CCDC60: variants seen among roughly 807,000 people sequenced by gnomAD.
CCDC60 encodes coiled-coil domain containing 60, also known as coiled-coil domain-containing protein 60.
In CCDC60, 54 loss-of-function variants were observed where a neutral mutation model predicts 63.5. The observed-to-expected ratio is 0.85, with a 90% CI of 0.68 to 1.07. CCDC60 has a LOEUF of 1.07. CCDC60 is among the 50% of genes least tolerant of loss of function. The probability of loss-of-function intolerance (pLI) is 0.00; values close to 1 mark genes in which losing one functional copy is unlikely to be tolerated. For synonymous variants in CCDC60, 206 were observed against 238.8 expected (o/e 0.86, Z 1.27); for missense variants, 651 against 684.3 (o/e 0.95, Z 0.54).
intron 3 of CCDC60, among the ~76,000 whole-genome samples, chr12:119,472,531 G>A (rs930448146): frequency 6.6e-6 from 1 of 151,058 alleles, no homozygotes; most frequent in Non-Finnish European, 1.5e-5. Flanking sequence ...CAGCCCCAGG[G>A]CCTGGCTCAT....
Position 119,420,587 on chromosome 12 carries a change from G to A in CCDC60, c.91-8096G>A, listed in dbSNP as rs957616668. 1.3e-5 allele frequency among the ~76,000 whole-genome samples: 2 copies of A among 152,070 alleles called. No homozygotes were observed. The highest frequency in any genetic ancestry group is 4.8e-5 in the African/African-American group (2 of 41,398). On this transcript the variant is annotated intron_variant, in intron 1 of 13. Coordinates refer to ENST00000327554, the MANE Select transcript of CCDC60 (RefSeq NM_178499.5). This position sits in a 1 kb window ranked among gnomAD's most constrained non-coding sequence, Gnocchi z 4.1. ...CTGGGAAGGATAGTGGGGGATGGGGGGCAGAAGGTGGGAATGGCTAACGGG... is the reference window on the plus strand; with the variant it reads ...CTGGGAAGGATAGTGGGGGATGGGGAGCAGAAGGTGGGAATGGCTAACGGG...
chr12:119,515,738 A>C (rs1022679775), intron 7 of CCDC60, among the ~76,000 whole-genome samples: 1 of 152,226 alleles, frequency 6.6e-6, no homozygotes, highest in African/African-American at 2.4e-5. Flanking sequence ...TCCAGCATGC[A>C]GCAGGAATGG....
intron 5 of CCDC60, among the ~76,000 whole-genome samples, chr12:119,495,615 G>T (rs143386048): frequency 1.9e-3 from 288 of 152,232 alleles, no homozygotes; most frequent in Middle Eastern, 3.4e-3. Context: ...CAATCGTTCT[G>T]AGCAGCACTC....
chr12:119,334,873 A>G lies in CCDC60; in HGVS notation c.-304A>G. The G allele has an allele frequency of 3.9e-6, 1 of 259,460 alleles. No individual in the cohort carries two copies. The highest frequency in any genetic ancestry group is 7.2e-6 in the Non-Finnish European group (1 of 138,740). 16.1% of individuals were successfully genotyped at this position (259,460 alleles called of 1,614,324 possible). ...TTTTAGTTCATATTTTATTTTGCTT[A>G]TAGAAGAGAAAGATATCCCTTCCGA... On this transcript the variant is annotated 5_prime_UTR_variant, in exon 1 of 14. Coordinates refer to ENST00000327554, the MANE Select transcript of CCDC60 (RefSeq NM_178499.5).
chr12:119,360,533 G>C (rs1358705630), intron 1 of CCDC60, among the ~76,000 whole-genome samples: 2 of 149,936 alleles, frequency 1.3e-5, no homozygotes. Context: ...TCACTTCTCA[G>C]ACGGGGCGGC....
intron 6 of CCDC60, among the ~76,000 whole-genome samples, chr12:119,501,991 A>T (rs1951864536): frequency 6.6e-6 from 1 of 152,146 alleles, no homozygotes; most frequent in Non-Finnish European, 1.5e-5. Context: ...ACTTTGAAGG[A>T]GGGAATCCAA....
At chr12:119,417,140 A>C (rs925249437) in intron 1 of CCDC60, among the ~76,000 whole-genome samples, 1 of 151,890 alleles carries the variant, frequency 6.6e-6, no homozygotes, top group Non-Finnish European at 1.5e-5. Context: ...AAAAAAGAAC[A>C]TTCCCACCCC....
At chr12:119,408,727 G>A (rs1956539439) in intron 1 of CCDC60, among the ~76,000 whole-genome samples, 1 of 152,144 alleles carries the variant, frequency 6.6e-6, no homozygotes, top group Non-Finnish European at 1.5e-5. Flanking sequence ...TTGGGAGGCT[G>A]AGGCAGGAGA....
chr12:119,522,322 C>A (rs542259231), intron 9 of CCDC60, among the ~76,000 whole-genome samples: 5 of 152,268 alleles, frequency 3.3e-5, no homozygotes, highest in Admixed American at 6.5e-5. Flanking sequence ...AGGAAGCTTG[C>A]CCAGGCAGAG....
At chr12:119,496,079 G>A (rs1951709252) in intron 5 of CCDC60, among the ~76,000 whole-genome samples, 1 of 152,112 alleles carries the variant, frequency 6.6e-6, no homozygotes, top group Non-Finnish European at 1.5e-5. Context: ...TGTGGCAGGA[G>A]GATCAGATCA....
chr12:119,343,849 G>A lies in CCDC60; in HGVS notation c.90+8583G>A, dbSNP rs1037021435. On this transcript the variant is annotated intron_variant, in intron 1 of 13. Coordinates refer to ENST00000327554, the MANE Select transcript of CCDC60 (RefSeq NM_178499.5). ...TACATCAGGGAGGAAGGGAGGGGGC[G>A]TATTACCATTCTCCTGCAAAAAACA... Among the ~76,000 whole-genome samples, 3 of 151,804 alleles carry A rather than the reference G, an allele frequency of 2.0e-5. 1 individual carries two copies. The highest frequency in any genetic ancestry group is 4.2e-4 in the South Asian group (2 of 4,804).
intron 8 of CCDC60, among the ~76,000 whole-genome samples, chr12:119,519,725 A>G (rs908760711): frequency 1.3e-5 from 2 of 151,990 alleles, no homozygotes; most frequent in African/African-American, 4.8e-5. Context: ...GCCCTCCCAA[A>G]GTGCTGGGAT....
At chr12:119,519,913 G>GC (rs1952474272) in intron 8 of CCDC60, among the ~76,000 whole-genome samples, 1 of 151,672 alleles carries the variant, frequency 6.6e-6, no homozygotes, top group African/African-American at 2.4e-5. Flanking sequence ...AGCTTCTGGG[G>GC]CCCCCCTCCA....
chr12:119,445,710 G>C (rs1418699816), intron 2 of CCDC60, among the ~76,000 whole-genome samples: 2 of 152,032 alleles, frequency 1.3e-5, no homozygotes, highest in Non-Finnish European at 2.9e-5. Context: ...AATTATTCAG[G>C]GTTGGATTAG....
chr12:119,533,525 T>A (rs1035596000), intron 13 of CCDC60, among the ~76,000 whole-genome samples: 1 of 152,208 alleles, frequency 6.6e-6, no homozygotes. Context: ...CTGCCTAGGT[T>A]TTCTTCTAGG....
intron 1 of CCDC60, chr12:119,402,441 A>C (rs1369586846): frequency 6.6e-6 from 1 of 152,210 alleles, no homozygotes; most frequent in Non-Finnish European, 1.5e-5. Flanking sequence ...CTGTTGGTGA[A>C]GCAGAGAGAG....
chr12:119,498,342 CT>C (rs1566043654), intron 5 of CCDC60, among the ~76,000 whole-genome samples: 2 of 149,940 alleles, frequency 1.3e-5, no homozygotes, highest in Admixed American at 1.3e-4. Flanking sequence ...TTTTTTTTTT[CT>C]TTTTTTGAGA....
chr12:119,497,022 T>A (rs1038370091), intron 5 of CCDC60, among the ~76,000 whole-genome samples: 1 of 152,178 alleles, frequency 6.6e-6, no homozygotes, highest in African/African-American at 2.4e-5. Context: ...CTCTACTCTG[T>A]AGTTACTCAG....
intron 1 of CCDC60, among the ~76,000 whole-genome samples, chr12:119,392,050 C>T (rs1176793720): frequency 1.3e-5 from 2 of 152,112 alleles, no homozygotes; most frequent in Non-Finnish European, 2.9e-5. Context: ...CTAACTCAGG[C>T]CCCCCTCAAT....
Sources: allele counts gnomAD v4.1 joint callset (sites outside exome capture counted in the v4.1 genomes callset), GRCh38; gene constraint gnomAD v4.1.1; non-coding constraint Gnocchi (gnomAD v3.1); transcripts MANE v1.5; gene names NCBI Gene and HGNC (gene_info 2026-07-23, HGNC 2026-07-21).